The following CREB5 variants were observed in gnomAD, a reference collection of about 807,000 sequenced individuals.
The protein encoded by CREB5 is cAMP responsive element binding protein 5, also known as cyclic AMP-responsive element-binding protein 5.
A neutral mutation model predicts 57.1 loss-of-function variants in CREB5; 19 were observed. The ratio of observed to expected loss-of-function variants is 0.33; its 90% CI spans 0.23 to 0.49. The LOEUF is 0.49. Ranked by LOEUF, CREB5 falls within the 20% of genes least tolerant of loss-of-function variation. The pLI is 0.99. For missense variants in CREB5, 579 were observed against 671.6 expected (o/e 0.86, Z 1.52); for synonymous variants, 238 against 238.3 (o/e 1.00, Z 0.01).
At chr7:28,617,045 G>A (rs1797621433) in intron 5 of CREB5, among the ~76,000 whole-genome samples, 2 of 152,302 alleles carry the variant, frequency 1.3e-5, no homozygotes, top group African/African-American at 2.4e-5. Context: ...GTTGAGGAAA[G>A]GATCCTGGAA....
intron 7 of CREB5, among the ~76,000 whole-genome samples, chr7:28,768,273 T>C (rs1806117401): frequency 6.6e-6 from 1 of 152,102 alleles, no homozygotes. Flanking sequence ...GGTTTGCAGA[T>C]GGATACCATT....
intron 1 of CREB5, among the ~76,000 whole-genome samples, chr7:28,431,640 A>G (rs1235307077): frequency 6.6e-6 from 1 of 152,232 alleles, no homozygotes; most frequent in African/African-American, 2.4e-5. Context: ...TGTTAATTTT[A>G]ACTTGCCGGT....
At chr7:28,638,914 G>T (rs1289561122) in intron 5 of CREB5, among the ~76,000 whole-genome samples, 1 of 152,142 alleles carries the variant, frequency 6.6e-6, no homozygotes, top group East Asian at 1.9e-4. Flanking sequence ...CCAGAGAGGT[G>T]AAATGTCTAT....
At chr7:28,668,962 G>A (rs1277507369) in intron 5 of CREB5, among the ~76,000 whole-genome samples, 9 of 152,126 alleles carry the variant, frequency 5.9e-5, no homozygotes, top group South Asian at 2.1e-4. Flanking sequence ...CTGAGGCCCC[G>A]TGTAGTGGTA....
intron 1 of CREB5, among the ~76,000 whole-genome samples, chr7:28,443,009 G>T (rs915750948): frequency 1.2e-4 from 19 of 152,186 alleles, no homozygotes; most frequent in African/African-American, 3.9e-4. Flanking sequence ...CTCTCTATAT[G>T]CCTTATTTCG....
intron 5 of CREB5, among the ~76,000 whole-genome samples, chr7:28,586,098 T>G (rs1796296386): frequency 6.6e-6 from 1 of 152,144 alleles, no homozygotes; most frequent in Admixed American, 6.5e-5. Flanking sequence ...CTTACTATTT[T>G]TAATAAGCCA....
At chr7:28,394,781 G>A (rs1252360352) in intron 1 of CREB5, among the ~76,000 whole-genome samples, 1 of 152,086 alleles carries the variant, frequency 6.6e-6, no homozygotes, top group Non-Finnish European at 1.5e-5. Context: ...ATAGAACAAT[G>A]TTCCTAAAAA....
At chr7:28,317,297 G>A (rs1785402043) in intron 1 of CREB5, among the ~76,000 whole-genome samples, 1 of 152,174 alleles carries the variant, frequency 6.6e-6, no homozygotes, top group African/African-American at 2.4e-5. Context: ...CACCAGCAGT[G>A]AAAACCTTTG....
At chr7:28,807,445 T>G (rs1375133831) in intron 8 of CREB5, among the ~76,000 whole-genome samples, 4 of 152,060 alleles carry the variant, frequency 2.6e-5, no homozygotes, top group African/African-American at 9.7e-5. Flanking sequence ...AGAGACTCCG[T>G]CTCAAGAAAA....
chr7:28,639,629 T>A (rs373393778), intron 5 of CREB5, among the ~76,000 whole-genome samples: 21 of 152,276 alleles, frequency 1.4e-4, no homozygotes, highest in African/African-American at 5.1e-4. Context: ...CGGGCACTAA[T>A]CATGGACCCA....
At chr7:28,325,303 A>G (rs1022850617) in intron 1 of CREB5, among the ~76,000 whole-genome samples, 7 of 152,154 alleles carry the variant, frequency 4.6e-5, no homozygotes, top group Non-Finnish European at 7.3e-5. Flanking sequence ...AAACTACAAA[A>G]AATTAGCCAG....
chr7:28,621,708 C>T (rs1797798833), intron 5 of CREB5, among the ~76,000 whole-genome samples: 1 of 152,192 alleles, frequency 6.6e-6, no homozygotes, highest in South Asian at 2.1e-4. Context: ...CTGTGGTGCG[C>T]TGTGAAGTCA....
At chr7:28,765,039 C>T (rs1012803524) in intron 7 of CREB5, among the ~76,000 whole-genome samples, 9 of 152,266 alleles carry the variant, frequency 5.9e-5, no homozygotes, top group Middle Eastern at 3.4e-3. Flanking sequence ...ATATGGATCA[C>T]CAAAATGATG....
At chr7:28,661,404 C>G (rs1387988909) in intron 5 of CREB5, among the ~76,000 whole-genome samples, 1 of 152,144 alleles carries the variant, frequency 6.6e-6, no homozygotes, top group African/African-American at 2.4e-5. Context: ...TAAATATTCT[C>G]TCTCTCATTT....
chr7:28,494,361 AG>A (rs1791927914), intron 2 of CREB5, among the ~76,000 whole-genome samples: 1 of 152,222 alleles, frequency 6.6e-6, no homozygotes, highest in Admixed American at 6.5e-5. Flanking sequence ...GGTAGGCATT[AG>A]GACACAGCTC....
chr7:28,704,399 A>G (rs1162275397), intron 5 of CREB5, among the ~76,000 whole-genome samples: 10 of 152,140 alleles, frequency 6.6e-5, no homozygotes, highest in Non-Finnish European at 1.5e-4. Context: ...TTACTCATCT[A>G]TATGTGTCCA....
chr7:28,505,215 CACAT>C (rs895467145), intron 3 of CREB5, among the ~76,000 whole-genome samples: 3 of 152,142 alleles, frequency 2.0e-5, no homozygotes, highest in East Asian at 1.9e-4. Flanking sequence ...CACACACACA[CACAT>C]GCACACACGC....
intron 1 of CREB5, among the ~76,000 whole-genome samples, chr7:28,336,205 C>T (rs1302554829): frequency 6.6e-6 from 1 of 151,994 alleles, no homozygotes; most frequent in Admixed American, 6.6e-5. Flanking sequence ...TAATACTGGC[C>T]TCTTAGAATT....
At chr7:28,567,068 T>C (rs1455279043) in intron 4 of CREB5, among the ~76,000 whole-genome samples, 1 of 152,228 alleles carries the variant, frequency 6.6e-6, no homozygotes, top group Admixed American at 6.5e-5. Flanking sequence ...AAGTCAGTTT[T>C]CTTTGTCTTT....
Sources: gnomAD v4.1 joint callset for allele counts (sites outside exome capture counted in the v4.1 genomes callset) on GRCh38, gnomAD v4.1.1 for gene constraint, MANE v1.5 for transcripts, NCBI Gene and HGNC (gene_info 2026-07-23, HGNC 2026-07-21) for gene names.